Variants in CASK observed in about 807,000 individuals in gnomAD.
CASK encodes the protein peripheral plasma membrane protein CASK.
CASK carries 4 observed loss-of-function variants against 82.9 expected under a neutral mutation model. That is an observed-to-expected ratio of 0.05 (90% CI 0.02 to 0.11). CASK has a LOEUF of 0.11. Among genes scored for constraint, CASK ranks in the 10% least tolerant of loss-of-function variants. The probability of loss-of-function intolerance (pLI) is 1.00; values close to 1 mark genes in which losing one functional copy is unlikely to be tolerated. For missense variants in CASK, 358 were observed against 720.9 expected (o/e 0.50, Z 5.76); for synonymous variants, 259 against 253.5 (o/e 1.02, Z -0.20).
rs1170876528 is a variant in CASK at position 41,833,742 on chromosome X, CTT to C, written c.172+19371_172+19372del. ...AGTTATACACCATGAATTATAATGACTTAATAAAAATTATGCTTTTTTTTGAG... is the reference window on the plus strand; with the variant it reads ...AGTTATACACCATGAATTATAATGACAATAAAAATTATGCTTTTTTTTGAG... On this transcript the variant is annotated intron_variant, in intron 2 of 26. Coordinates refer to ENST00000378163, the MANE Select transcript of CASK (RefSeq NM_001367721.1). Among the ~76,000 whole-genome samples the C allele has an allele frequency of 4.5e-5, 5 of 111,714 alleles. No individual in the cohort carries two copies. In the Admixed American group the frequency reaches 4.7e-4, roughly 11 times the overall value.
At chrX:41,621,142 G>C (rs1016259926) in intron 11 of CASK, among the ~76,000 whole-genome samples, 3 of 109,421 alleles carry the variant, frequency 2.7e-5, no homozygotes, top group Non-Finnish European at 3.8e-5. Context: ...AAAAAGAGGA[G>C]CGCTAAATCT....
chrX:41,912,543 A>T (rs951802071), intron 1 of CASK, among the ~76,000 whole-genome samples: 2 of 108,170 alleles, frequency 1.8e-5, no homozygotes, highest in Admixed American at 9.9e-5. Flanking sequence ...CCTGACCTCA[A>T]GTGAGCCACC....
chrX:41,898,559 T>C (rs923588677), intron 1 of CASK, among the ~76,000 whole-genome samples: 1 of 111,825 alleles, frequency 8.9e-6, no homozygotes, highest in Non-Finnish European at 1.9e-5. Flanking sequence ...TTTTTCTTCA[T>C]GTATTGCTAT....
At chrX:41,545,348 G>A (rs755861779) in intron 21 of CASK, among the ~76,000 whole-genome samples, 2 of 112,201 alleles carry the variant, frequency 1.8e-5, no homozygotes, top group South Asian at 7.4e-4. Context: ...TTTGCTTATG[G>A]TGTAAAGGAG....
chrX:41,585,249 G>T (rs1470624954), intron 14 of CASK: 1 of 112,895 alleles, frequency 8.9e-6, no homozygotes, highest in East Asian at 2.8e-4. Context: ...ACAGGCATTA[G>T]AACCTGTATC....
chrX:41,632,325 CAG>C (rs1286880084), intron 9 of CASK, among the ~76,000 whole-genome samples: 39 of 111,798 alleles, frequency 3.5e-4, no homozygotes, highest in African/African-American at 1.2e-3. Flanking sequence ...GTTGAACTAA[CAG>C]AAAGAAAATT....
chrX:41,724,372 G>C (rs2068218922), intron 5 of CASK: 1 of 112,618 alleles, frequency 8.9e-6, no homozygotes, highest in Admixed American at 9.4e-5. Context: ...AATTTTGAAA[G>C]CTGATCATTA....
rs193009742 is a variant in CASK, at chrX:41,855,293, G to T, written c.60-2066C>A. 1.6e-3 allele frequency among the ~76,000 whole-genome samples: 179 copies of T among 111,707 alleles called. 1 individual carries two copies. The highest frequency in any genetic ancestry group is 5.5e-3 in the African/African-American group (171 of 30,832). On this transcript the variant is annotated intron_variant, in intron 1 of 26. Transcript: ENST00000378163. ...CTTTAATTTTATAGTACGAGGCAAA[G>T]AAAATAATTATATCTATGAACTACT...
chrX:41,739,538 C>A (rs1282656058), intron 4 of CASK, 82 bp from the exon 5 acceptor site: 1 of 612,554 alleles, frequency 1.6e-6, no homozygotes, highest in African/African-American at 2.2e-5. Context: ...GTTTATAACT[C>A]CCACTCTCAT....
Position 41,773,047 on chromosome X carries a change from G to A in CASK, c.278+14131C>T, listed in dbSNP as rs971027863. On this transcript the variant is annotated intron_variant, in intron 3 of 26. Transcript: ENST00000378163. ...GAACAATAGTAACAACAAAAAAACC[G>A]AGAGAACATTCCCCAATTCATTTTA... 3.5e-4 allele frequency among the ~76,000 whole-genome samples: 39 copies of A among 111,065 alleles called. 1 individual carries two copies. Among genetic ancestry groups the A allele is most frequent in the Non-Finnish European group, 6.4e-4 (34 of 52,946 alleles).
intron 10 of CASK, among the ~76,000 whole-genome samples, chrX:41,625,924 G>A (rs1295749356): frequency 9.7e-5 from 10 of 102,968 alleles, no homozygotes; most frequent in African/African-American, 3.2e-4. Context: ...GACTACAGGC[G>A]CAGGCCAGCA....
rs145045669 is a variant in CASK, at chrX:41,666,464, G to A, written c.533-1012C>T. On this transcript the variant is annotated intron_variant, in intron 6 of 26. Coordinates refer to ENST00000378163, the MANE Select transcript of CASK (RefSeq NM_001367721.1). ...CTGTCTCTCTCTTTCATCATACTGA[G>A]TTCAAGATAATTTTTAGTTTGAAGA... Among the ~76,000 whole-genome samples the A allele has an allele frequency of 5.4e-3, 607 of 111,990 alleles. 6 individuals carry two copies. Among genetic ancestry groups the A allele is most frequent in the African/African-American group, 0.019 (572 of 30,836 alleles).
intron 2 of CASK, among the ~76,000 whole-genome samples, chrX:41,820,178 T>C (rs774695587): frequency 1.3e-4 from 14 of 109,989 alleles, no homozygotes; most frequent in African/African-American, 4.0e-4. Context: ...GATCACTGAA[T>C]TGAATGTCCT....
At chrX:41,745,896 T>C (rs1376639599) in intron 3 of CASK, among the ~76,000 whole-genome samples, 1 of 111,374 alleles carries the variant, frequency 9.0e-6, no homozygotes, top group Non-Finnish European at 1.9e-5. Context: ...AAAAGAAGCA[T>C]CAGAAAACAG....
chrX:41,683,139 T>C (rs2067389779), intron 5 of CASK: 2 of 111,547 alleles, frequency 1.8e-5, no homozygotes, highest in Admixed American at 1.9e-4. Context: ...TCCTGTTATG[T>C]TGACATTATT....
chrX:41,621,353 G>A (rs2066286148), intron 11 of CASK, among the ~76,000 whole-genome samples: 1 of 111,762 alleles, frequency 8.9e-6, no homozygotes, highest in Non-Finnish European at 1.9e-5. Flanking sequence ...TATGAGATTA[G>A]GCTGTAAAGA....
chrX:41,613,041 C>T (rs1328080863), intron 11 of CASK, among the ~76,000 whole-genome samples: 2 of 107,765 alleles, frequency 1.9e-5, no homozygotes, highest in Non-Finnish European at 1.9e-5. Flanking sequence ...CCAGCTGCCC[C>T]GTCTGGGAGG....
At chrX:41,541,827 T>C (rs2064949542) in intron 22 of CASK, among the ~76,000 whole-genome samples, 1 of 112,130 alleles carries the variant, frequency 8.9e-6, no homozygotes. Context: ...CCTTGGGAAC[T>C]AACCTAATGC....
chrX:41,709,762 G>C (rs183756191), intron 5 of CASK, among the ~76,000 whole-genome samples: 34 of 111,424 alleles, frequency 3.1e-4, no homozygotes, highest in Admixed American at 4.8e-4. Context: ...TGCTTGGGGC[G>C]CTTAAGAGAA....
Sources: gnomAD v4.1 joint callset for allele counts (sites outside exome capture counted in the v4.1 genomes callset) on GRCh38, gnomAD v4.1.1 for gene constraint, MANE v1.5 for transcripts, NCBI Gene and HGNC (gene_info 2026-07-23, HGNC 2026-07-21) for gene names.